Variants in DOCK4 observed in about 807,000 individuals in gnomAD.
DOCK4 encodes dedicator of cytokinesis protein 4.
A neutral mutation model predicts 268.1 loss-of-function variants in DOCK4; 97 were observed. The observed-to-expected ratio is 0.36, with a 90% CI of 0.31 to 0.43. The LOEUF is 0.43. DOCK4 is among the 20% of genes least tolerant of loss of function. The probability of loss-of-function intolerance (pLI) is 1.00; values close to 1 mark genes in which losing one functional copy is unlikely to be tolerated. For synonymous variants in DOCK4, 954 were observed against 887.2 expected, an observed-to-expected ratio of 1.08 and a Z score of -1.34; for missense variants, 2,145 against 2,455.7, an observed-to-expected ratio of 0.87 and a Z score of 2.67.
intron 27 of DOCK4, chr7:111,820,828 T>C (rs527433593): frequency 5.9e-5 from 9 of 152,324 alleles, no homozygotes; most frequent in Admixed American, 2.6e-4. Context: ...GTCCATAGCC[T>C]GGACCTCTTC....
intron 23 of DOCK4, among the ~76,000 whole-genome samples, chr7:111,860,339 C>T (rs145777250): frequency 5.6e-4 from 85 of 152,326 alleles, no homozygotes; most frequent in Middle Eastern, 3.4e-3. Context: ...AGGGACACTT[C>T]CTAGTTTTCC....
chr7:112,166,647 C>A (rs1440057634), intron 1 of DOCK4, among the ~76,000 whole-genome samples: 7 of 152,092 alleles, frequency 4.6e-5, no homozygotes, highest in Admixed American at 3.9e-4. Context: ...TGTAACAACC[C>A]AGCTAGAACT....
At chr7:111,903,654 T>A (rs1328173030) in intron 13 of DOCK4, among the ~76,000 whole-genome samples, 1 of 152,126 alleles carries the variant, frequency 6.6e-6, no homozygotes, top group African/African-American at 2.4e-5. Context: ...CAACAGCAAA[T>A]CAACTGACTT....
intron 1 of DOCK4, among the ~76,000 whole-genome samples, chr7:112,090,585 G>A (rs1338008021): frequency 6.6e-6 from 1 of 152,140 alleles, no homozygotes; most frequent in Non-Finnish European, 1.5e-5. Flanking sequence ...AAACTACATT[G>A]CAGTAAGGGC....
At chr7:111,860,701 A>G (rs1015387833) in intron 23 of DOCK4, among the ~76,000 whole-genome samples, 3 of 152,194 alleles carry the variant, frequency 2.0e-5, no homozygotes, top group Non-Finnish European at 4.4e-5. Context: ...TGCAGGGTCA[A>G]CATTTCTTGG....
chr7:112,166,588 T>C (rs1817634037), intron 1 of DOCK4, among the ~76,000 whole-genome samples: 1 of 152,218 alleles, frequency 6.6e-6, no homozygotes, highest in South Asian at 2.1e-4. Context: ...AATCATTTCA[T>C]AGAGGATTTA....
intron 1 of DOCK4, among the ~76,000 whole-genome samples, chr7:112,184,680 C>A (rs1335059128): frequency 1.3e-5 from 2 of 152,068 alleles, no homozygotes; most frequent in Non-Finnish European, 2.9e-5. Context: ...TGGTCACACG[C>A]CTTGGACACT....
At chr7:111,840,196 C>G (rs967702652) in intron 25 of DOCK4, among the ~76,000 whole-genome samples, 3 of 152,122 alleles carry the variant, frequency 2.0e-5, no homozygotes, top group African/African-American at 7.2e-5. Context: ...TTCACGAAAC[C>G]TATTATACAC....
At position 112,106,715 on chromosome 7, in the gene DOCK4, C is replaced by T. The variant is rs142003493; in HGVS notation, c.37+99387G>A. ...AATGAATTGGCTTGTTACATCCAAG[C>T]TTTATTTAACATTTGCCAGTTGAAT... On this transcript the variant is annotated intron_variant, in intron 1 of 52. Transcript: ENST00000428084. Among the ~76,000 whole-genome samples the T allele has an allele frequency of 1.6e-4, 25 of 152,280 alleles. No homozygotes were observed. The East Asian group carries it at 4.8e-3, about 29-fold the overall frequency.
At chr7:111,801,290 T>G (rs753187974) in intron 30 of DOCK4, among the ~76,000 whole-genome samples, 7 of 152,242 alleles carry the variant, frequency 4.6e-5, no homozygotes, top group Admixed American at 1.3e-4. Context: ...CTTCAGCCTC[T>G]GATATAACTG....
At chr7:111,949,199 C>T (rs774377460) in intron 8 of DOCK4, among the ~76,000 whole-genome samples, 2 of 152,112 alleles carry the variant, frequency 1.3e-5, no homozygotes, top group Non-Finnish European at 2.9e-5. Flanking sequence ...ATTACCTCTA[C>T]AGAAACATTC....
chr7:111,751,780 G>A (rs778490887), intron 42 of DOCK4, among the ~76,000 whole-genome samples: 8 of 151,874 alleles, frequency 5.3e-5, no homozygotes, highest in Non-Finnish European at 8.8e-5. Context: ...AAAAAAGAGG[G>A]TTGAGACTGT....
chr7:111,842,834 C>G (rs1259970798), intron 25 of DOCK4, among the ~76,000 whole-genome samples: 2 of 152,190 alleles, frequency 1.3e-5, no homozygotes, highest in Non-Finnish European at 2.9e-5. Context: ...AAGAAGCCCT[C>G]TTGCCTCAGC....
At chr7:111,995,413 TTGTGTGTG>T (rs71529492) in intron 4 of DOCK4, among the ~76,000 whole-genome samples, 429 of 116,944 alleles carry the variant, frequency 3.7e-3, no homozygotes, top group Middle Eastern at 0.016. Flanking sequence ...AATTCTTTCT[TTGTGTGTG>T]TGTGTGTGTG....
chr7:112,066,676 CATATATACATATACAT>C (rs1281436454), intron 1 of DOCK4, among the ~76,000 whole-genome samples: 9 of 52,084 alleles, frequency 1.7e-4, no homozygotes, highest in Non-Finnish European at 2.4e-4. Flanking sequence ...TATACATATA[CATATATACATATACAT>C]ATATATATAT....
rs891173194 is a variant in DOCK4 at position 112,191,503 on chromosome 7, T to C, written c.37+14599A>G. ...ACTGACCATCACTACCACAGACCAA[T>C]GCTAGAGTAAAAAGACAACGTGGGG... On this transcript the variant is annotated intron_variant, in intron 1 of 52. Coordinates refer to ENST00000428084, the MANE Select transcript of DOCK4 (RefSeq NM_001363540.2). Among the ~76,000 whole-genome samples, 15 of 151,618 alleles carry C rather than the reference T, an allele frequency of 9.9e-5. No homozygotes were observed. In the East Asian group the frequency reaches 1.7e-3, roughly 18 times the overall value.
chr7:112,172,162 G>A lies in DOCK4; in HGVS notation c.37+33940C>T, dbSNP rs144583726. The stretch of plus-strand genomic sequence containing the variant: ...ACAATTCAGTCCATAACAATGCCCC[G>A]ATGAAATTTAAAGCAAATATTCCAG... On this transcript the variant is annotated intron_variant, in intron 1 of 52. Transcript: ENST00000428084. Among the ~76,000 whole-genome samples, 1,351 of 152,282 alleles carry A rather than the reference G, an allele frequency of 8.9e-3. 14 individuals carry two copies. The highest frequency in any genetic ancestry group is 0.031 in the Middle Eastern group (9 of 294).
intron 1 of DOCK4, among the ~76,000 whole-genome samples, chr7:112,049,545 T>C (rs1344018777): frequency 1.3e-5 from 2 of 152,108 alleles, no homozygotes; most frequent in African/African-American, 2.4e-5. Context: ...ACATCAATGA[T>C]CACATTAAAT....
At chr7:111,854,758 T>G (rs543291358) in intron 23 of DOCK4, among the ~76,000 whole-genome samples, 5 of 152,200 alleles carry the variant, frequency 3.3e-5, no homozygotes, top group Admixed American at 6.5e-5. Flanking sequence ...GAAACATCTA[T>G]TAAGCACCTA....
Sources: gnomAD v4.1 joint callset for allele counts (sites outside exome capture counted in the v4.1 genomes callset) on GRCh38, gnomAD v4.1.1 for gene constraint, MANE v1.5 for transcripts, NCBI Gene and HGNC (gene_info 2026-07-23, HGNC 2026-07-21) for gene names.